The following MRTFA variants were observed in gnomAD, a reference collection of about 807,000 sequenced individuals.
The protein encoded by MRTFA is myocardin-related transcription factor A.
MRTFA carries 20 observed loss-of-function variants against 83.5 expected under a neutral mutation model. That is an observed-to-expected ratio of 0.24 (90% confidence interval 0.17 to 0.35). The LOEUF is 0.35. Ranked by LOEUF, MRTFA falls within the 10% of genes least tolerant of loss-of-function variation. The probability of loss-of-function intolerance (pLI) is 1.00; values close to 1 mark genes in which losing one functional copy is unlikely to be tolerated. For synonymous variants in MRTFA, 659 were observed against 541.2 expected (o/e 1.22, Z -3.02); for missense variants, 1,200 against 1,224.7 (o/e 0.98, Z 0.30).
chr22:40,458,875 C>T (rs528679003), intron 4 of MRTFA, among the ~76,000 whole-genome samples: 2 of 151,992 alleles, frequency 1.3e-5, no homozygotes, highest in African/African-American at 2.4e-5. Flanking sequence ...GTCAGGAGTT[C>T]GAGACCACCC....
chr22:40,457,574 T>A (rs1307018567), intron 4 of MRTFA, among the ~76,000 whole-genome samples: 1 of 151,898 alleles, frequency 6.6e-6, no homozygotes, highest in Non-Finnish European at 1.5e-5. Context: ...ATCCTGGCAC[T>A]TTTAAGAAGA....
At chr22:40,612,919 C>T (rs1436502087) in intron 1 of MRTFA, among the ~76,000 whole-genome samples, 1 of 152,186 alleles carries the variant, frequency 6.6e-6, no homozygotes, top group African/African-American at 2.4e-5. Flanking sequence ...TGCACTCCAC[C>T]CTAGGTGACA....
intron 3 of MRTFA, among the ~76,000 whole-genome samples, chr22:40,470,244 T>TAA (rs2053879261): frequency 3.0e-5 from 1 of 32,802 alleles, no homozygotes; most frequent in South Asian, 8.7e-4. Flanking sequence ...TATATATATA[T>TAA]ATATATATAT....
rs369403803 is a variant in MRTFA, at chr22:40,546,014, G to A, written c.241+6092C>T. Among the ~76,000 whole-genome samples the A allele has an allele frequency of 2.9e-3, 448 of 152,222 alleles. 4 individuals are homozygous for A. The highest frequency in any genetic ancestry group is 0.01 in the African/African-American group (425 of 41,552). On this transcript the variant is annotated intron_variant, in intron 3 of 14. Coordinates refer to ENST00000355630, the MANE Select transcript of MRTFA (RefSeq NM_020831.6). Reference sequence around the variant, plus strand: ...AGTGCTGGGATTACAGGCGTGAGCCGCCGTACCCGGCCACCACTGAATTTC... The same window carrying A: ...AGTGCTGGGATTACAGGCGTGAGCCACCGTACCCGGCCACCACTGAATTTC...
intron 3 of MRTFA, among the ~76,000 whole-genome samples, chr22:40,534,487 C>T (rs2055133396): frequency 6.6e-6 from 1 of 152,188 alleles, no homozygotes; most frequent in African/African-American, 2.4e-5. Context: ...CAGGGTCTCA[C>T]TCCGTTGCCC....
At chr22:40,495,244 T>C (rs1421932559) in intron 3 of MRTFA, among the ~76,000 whole-genome samples, 1 of 151,484 alleles carries the variant, frequency 6.6e-6, no homozygotes, top group Non-Finnish European at 1.5e-5. Flanking sequence ...CTTTAAAAAG[T>C]ACACCGTCTC....
chr22:40,636,244 G>GCGCC (rs746933667), intron 1 of MRTFA, among the ~76,000 whole-genome samples: 46 of 152,196 alleles, frequency 3.0e-4, no homozygotes, highest in African/African-American at 1.0e-3. Context: ...GTGCACGACC[G>GCGCC]CGCCCGCCCG....
rs760491720 is a variant in MRTFA at position 40,508,654 on chromosome 22, A to G, written c.241+43452T>C. 7.6e-4 allele frequency among the ~76,000 whole-genome samples: 116 copies of G among 151,866 alleles called. 1 individual carries two copies. The Middle Eastern group carries it at 0.017, about 22-fold the overall frequency. ...TCAATTGGAAGTTTCTTTAAGGTGG[A>G]AGAATGTTAGTAATATGTTCTTTCC... On this transcript the variant is annotated intron_variant, in intron 3 of 14. Transcript: ENST00000355630.
chr22:40,516,574 T>C (rs2054764680), intron 3 of MRTFA, among the ~76,000 whole-genome samples: 1 of 151,620 alleles, frequency 6.6e-6, no homozygotes, highest in South Asian at 2.1e-4. Flanking sequence ...TCTAAAGATA[T>C]ACAGGTTTAA....
At chr22:40,497,665 AT>A (rs1327670779) in intron 3 of MRTFA, among the ~76,000 whole-genome samples, 1 of 152,118 alleles carries the variant, frequency 6.6e-6, no homozygotes, top group African/African-American at 2.4e-5. Flanking sequence ...AGTCAGGAGA[AT>A]CGCTTGAACT....
At chr22:40,422,983 A>G (rs1319156645) in intron 9 of MRTFA, among the ~76,000 whole-genome samples, 1 of 152,178 alleles carries the variant, frequency 6.6e-6, no homozygotes, top group African/African-American at 2.4e-5. Flanking sequence ...CCTGGTGGCC[A>G]GGCAGCTCTG....
At chr22:40,435,664 G>C (rs1465689721) in intron 4 of MRTFA, 110 bp from the exon 5 acceptor site, 50 of 1,204,456 alleles carry the variant, frequency 4.2e-5, no homozygotes, top group Non-Finnish European at 5.8e-5. Context: ...TGGGCGTGGT[G>C]GCTCACGCCT....
intron 1 of MRTFA, among the ~76,000 whole-genome samples, chr22:40,636,268 G>A (rs1438760011): frequency 6.6e-6 from 1 of 151,574 alleles, no homozygotes; most frequent in Non-Finnish European, 1.5e-5. Flanking sequence ...GGCCCGGCCC[G>A]GGTCCCAGCC....
chr22:40,493,844 C>T (rs1208570060), intron 3 of MRTFA, among the ~76,000 whole-genome samples: 1 of 152,226 alleles, frequency 6.6e-6, no homozygotes, highest in East Asian at 1.9e-4. Context: ...CATACATCCA[C>T]ATAAAGAACT....
chr22:40,559,963 A>G (rs2055589280), intron 2 of MRTFA, among the ~76,000 whole-genome samples: 1 of 152,204 alleles, frequency 6.6e-6, no homozygotes. Flanking sequence ...AAATTTACAC[A>G]TATATCTATA....
chr22:40,508,678 C>T (rs1342743678), intron 3 of MRTFA, among the ~76,000 whole-genome samples: 1 of 151,256 alleles, frequency 6.6e-6, no homozygotes, highest in Non-Finnish European at 1.5e-5. Context: ...TATGTTCTTT[C>T]CATTGTAACT....
intron 1 of MRTFA, among the ~76,000 whole-genome samples, chr22:40,633,844 C>T (rs1019902174): frequency 3.3e-5 from 5 of 152,016 alleles, no homozygotes; most frequent in African/African-American, 9.7e-5. Flanking sequence ...AACTTTCTAA[C>T]CTCTTTCATA....
intron 3 of MRTFA, among the ~76,000 whole-genome samples, chr22:40,469,719 A>C (rs1190402393): frequency 2.0e-5 from 3 of 152,188 alleles, no homozygotes; most frequent in Admixed American, 2.0e-4. Context: ...ACCAAGCAAT[A>C]AAACAAATTT....
At chr22:40,467,100 T>C (rs193193988) in intron 3 of MRTFA, among the ~76,000 whole-genome samples, 11 of 152,286 alleles carry the variant, frequency 7.2e-5, no homozygotes, top group Admixed American at 7.2e-4. Flanking sequence ...TTCCATCTTG[T>C]CCCTCCCAGG....
Sources: gnomAD v4.1 joint callset for allele counts (sites outside exome capture counted in the v4.1 genomes callset) on GRCh38, gnomAD v4.1.1 for gene constraint, MANE v1.5 for transcripts, NCBI Gene and HGNC (gene_info 2026-07-23, HGNC 2026-07-21) for gene names.